PRIM2: variants seen among roughly 807,000 people sequenced by gnomAD.
PRIM2 encodes DNA primase subunit 2, also known as DNA primase large subunit.
In PRIM2, 39 loss-of-function variants were observed where a neutral mutation model predicts 67.3. The observed-to-expected ratio is 0.58, with a 90% CI of 0.45 to 0.76. The LOEUF is 0.76. Ranked by LOEUF, PRIM2 falls within the 30% of genes least tolerant of loss-of-function variation. PRIM2 has a pLI of 0.00. For missense variants in PRIM2, 398 were observed against 598.7 expected (o/e 0.66, Z 3.50); for synonymous variants, 143 against 198.7 (o/e 0.72, Z 2.36).
intron 5 of PRIM2, among the ~76,000 whole-genome samples, chr6:57,374,432 T>C (rs568809643): frequency 6.7e-6 from 1 of 150,068 alleles, no homozygotes; most frequent in South Asian, 2.1e-4. Flanking sequence ...TAGCTGGGAC[T>C]ACAGGCGCGC....
At chr6:57,364,988 C>G (rs1489446145) in intron 5 of PRIM2, among the ~76,000 whole-genome samples, 1 of 152,128 alleles carries the variant, frequency 6.6e-6, no homozygotes, top group African/African-American at 2.4e-5. Flanking sequence ...CGGAGCCCAT[C>G]TGCTGCTGTG....
chr6:57,551,152 C>A (rs1775392043), intron 10 of PRIM2, among the ~76,000 whole-genome samples: 1 of 152,092 alleles, frequency 6.6e-6, no homozygotes. Context: ...TATTTTGCAC[C>A]TGCCTGTGTG....
intron 5 of PRIM2, among the ~76,000 whole-genome samples, chr6:57,357,575 G>A (rs549386051): frequency 5.2e-4 from 77 of 149,298 alleles, no homozygotes; most frequent in African/African-American, 1.7e-3. Flanking sequence ...TAAGTTTAGC[G>A]TAGAAACCCA....
chr6:57,344,870 A>G (rs564038582), intron 5 of PRIM2, among the ~76,000 whole-genome samples: 1 of 152,284 alleles, frequency 6.6e-6, no homozygotes, highest in Non-Finnish European at 1.5e-5. Flanking sequence ...AATATGGTTT[A>G]AGCCTAGAGA....
At chr6:57,355,478 T>A (rs1419142595) in intron 5 of PRIM2, among the ~76,000 whole-genome samples, 1 of 152,132 alleles carries the variant, frequency 6.6e-6, no homozygotes, top group Non-Finnish European at 1.5e-5. Flanking sequence ...AGGGGGAACA[T>A]CTCAGTTCAA....
chr6:57,442,619 CATT>C (rs1485019585), intron 7 of PRIM2, among the ~76,000 whole-genome samples: 7 of 151,810 alleles, frequency 4.6e-5, no homozygotes, highest in South Asian at 2.1e-4. Flanking sequence ...TTGGTTCTGT[CATT>C]GTTGTAGTAA....
At chr6:57,636,574 T>C (rs1313573901) in intron 13 of PRIM2, among the ~76,000 whole-genome samples, 1 of 152,212 alleles carries the variant, frequency 6.6e-6, no homozygotes, top group Non-Finnish European at 1.5e-5. Context: ...TTCATTTTGC[T>C]ATCAAGCAAC....
At position 57,516,774 on chromosome 6, in the gene PRIM2, T is replaced by TC. The variant is rs1774497340; in HGVS notation, c.761+9321dup. On this transcript the variant is annotated intron_variant, in intron 8 of 13. Coordinates refer to ENST00000615550, the MANE Select transcript of PRIM2 (RefSeq NM_000947.5). The stretch of plus-strand genomic sequence containing the variant: ...TTTATTGAACACATATTAAAGGAAC[T>TC]CTTACTGGTTGCCTCATGATGTTAG... Among the ~76,000 whole-genome samples the TC allele has an allele frequency of 2.6e-5, 4 of 152,182 alleles. No individual in the cohort carries two copies. The South Asian group carries it at 8.3e-4, about 31-fold the overall frequency.
At chr6:57,530,999 G>T (rs1332372032) in intron 8 of PRIM2, among the ~76,000 whole-genome samples, 2 of 152,150 alleles carry the variant, frequency 1.3e-5, no homozygotes, top group Non-Finnish European at 2.9e-5. Flanking sequence ...CAGCTATATT[G>T]TGGTTTTGCT....
upstream of PRIM2, among the ~76,000 whole-genome samples, chr6:57,313,748 G>A (rs1222987206): frequency 6.6e-6 from 1 of 152,184 alleles, no homozygotes; most frequent in African/African-American, 2.4e-5. Flanking sequence ...AAACACAGCT[G>A]GTAGGACCTA....
At chr6:57,541,054 A>G (rs1411641487) in intron 10 of PRIM2, among the ~76,000 whole-genome samples, 5 of 152,198 alleles carry the variant, frequency 3.3e-5, no homozygotes, top group Non-Finnish European at 7.4e-5. Flanking sequence ...AATGCTGGAA[A>G]TGCTTCCCCA....
chr6:57,470,411 TCCCC>T (rs1773309096), intron 7 of PRIM2, among the ~76,000 whole-genome samples: 36 of 57,110 alleles, frequency 6.3e-4, no homozygotes, highest in Non-Finnish European at 8.0e-4. Context: ...CTCTCCCCTC[TCCCC>T]CTCTCCCCTC....
chr6:57,592,315 TA>T (rs1776294466), intron 10 of PRIM2, among the ~76,000 whole-genome samples: 1 of 152,168 alleles, frequency 6.6e-6, no homozygotes, highest in Non-Finnish European at 1.5e-5. Context: ...ATTTAAAAAT[TA>T]AAAATTTTTA....
intron 10 of PRIM2, among the ~76,000 whole-genome samples, chr6:57,561,856 C>T (rs1377470367): frequency 6.6e-6 from 1 of 152,170 alleles, no homozygotes; most frequent in Non-Finnish European, 1.5e-5. Context: ...GCTGTCAGCC[C>T]ATCTTTGCTT....
chr6:57,580,812 T>G (rs1336147325), intron 10 of PRIM2, among the ~76,000 whole-genome samples: 2 of 152,250 alleles, frequency 1.3e-5, no homozygotes, highest in African/African-American at 4.8e-5. Flanking sequence ...TAGCATGTTT[T>G]GAACCCCATC....
chr6:57,410,466 T>C (rs1420151782), intron 7 of PRIM2, among the ~76,000 whole-genome samples: 5 of 152,260 alleles, frequency 3.3e-5, no homozygotes, highest in African/African-American at 1.2e-4. Context: ...TCCATTGATA[T>C]AAATGTCTGT....
chr6:57,277,495 G>A, the PRIM2 span, among the ~76,000 whole-genome samples: 1 of 152,172 alleles, frequency 6.6e-6, no homozygotes. Context: ...AACTTACAAT[G>A]CAGTGGGAAA....
At chr6:57,582,779 TTTA>T (rs1156398291) in intron 10 of PRIM2, among the ~76,000 whole-genome samples, 80,612 of 147,106 alleles carry the variant, frequency 0.55, 23,034 homozygotes, top group African/African-American at 0.72. Context: ...TAATATTTTC[TTTA>T]TTATTATTAT....
chr6:57,512,636 C>T (rs1448197684), intron 8 of PRIM2, among the ~76,000 whole-genome samples: 4 of 151,990 alleles, frequency 2.6e-5, no homozygotes, highest in East Asian at 3.9e-4. Flanking sequence ...CTCTGTCTGT[C>T]GCCCAGGCTG....
Sources: gnomAD v4.1 joint callset for allele counts (sites outside exome capture counted in the v4.1 genomes callset) on GRCh38, gnomAD v4.1.1 for gene constraint, MANE v1.5 for transcripts, NCBI Gene and HGNC (gene_info 2026-07-23, HGNC 2026-07-21) for gene names.